Variants in SUGCT observed in about 807,000 individuals in gnomAD.
The protein encoded by SUGCT is succinyl-CoA:glutarate-CoA transferase.
Under a neutral mutation model 55.0 loss-of-function variants are expected in SUGCT, and 41 were observed. The ratio of observed to expected loss-of-function variants is 0.74; its 90% confidence interval spans 0.58 to 0.97. The LOEUF is 0.97. Among genes scored for constraint, SUGCT ranks in the 50% least tolerant of loss-of-function variants. The pLI is 0.00. For missense variants in SUGCT, 568 were observed against 547.8 expected (o/e 1.04, Z -0.37); for synonymous variants, 187 against 200.4 (o/e 0.93, Z 0.56).
At chr7:40,955,424 G>A in the SUGCT span, among the ~76,000 whole-genome samples, 11 of 152,080 alleles carry the variant, frequency 7.2e-5, no homozygotes, top group African/African-American at 2.7e-4. Context: ...TCATGATTTG[G>A]CTCTCTGTTT....
intron 8 of SUGCT, among the ~76,000 whole-genome samples, chr7:40,307,149 T>G (rs550505173): frequency 6.6e-6 from 1 of 152,368 alleles, no homozygotes; most frequent in Admixed American, 6.5e-5. Context: ...GTAGAGATTT[T>G]AAAACTATTT....
chr7:40,158,633 C>T (rs1211208603), intron 1 of SUGCT, among the ~76,000 whole-genome samples: 2 of 151,954 alleles, frequency 1.3e-5, no homozygotes, highest in Non-Finnish European at 2.9e-5. Flanking sequence ...GCCTGTAGGC[C>T]GAACTACTCG....
At chr7:40,810,128 CT>C (rs563083563) in intron 13 of SUGCT, among the ~76,000 whole-genome samples, 18 of 146,344 alleles carry the variant, frequency 1.2e-4, no homozygotes, top group East Asian at 2.0e-4. Flanking sequence ...GATTTCTTTT[CT>C]TTTTTTTTTT....
At chr7:40,518,312 T>A (rs1311602480) in intron 12 of SUGCT, among the ~76,000 whole-genome samples, 1 of 152,144 alleles carries the variant, frequency 6.6e-6, no homozygotes, top group African/African-American at 2.4e-5. Flanking sequence ...ATCCAAACAA[T>A]GTCTTCCAAT....
At chr7:40,974,999 C>T in the SUGCT span, among the ~76,000 whole-genome samples, 1 of 152,138 alleles carries the variant, frequency 6.6e-6, no homozygotes, top group African/African-American at 2.4e-5. Context: ...AATATTCATG[C>T]ACCTGGCGCA....
chr7:40,335,097 G>C (rs1011459460), intron 9 of SUGCT, among the ~76,000 whole-genome samples: 1 of 152,150 alleles, frequency 6.6e-6, no homozygotes, highest in African/African-American at 2.4e-5. Context: ...GCTCTGTTCT[G>C]TTCCATTGGT....
intron 9 of SUGCT, among the ~76,000 whole-genome samples, chr7:40,399,653 CCAAA>C (rs1454818254): frequency 2.0e-5 from 3 of 152,160 alleles, no homozygotes; most frequent in African/African-American, 7.2e-5. Flanking sequence ...GTGTCCGTCT[CCAAA>C]CAAAGGACTG....
At chr7:40,319,112 T>C (rs1185287650) in intron 9 of SUGCT, among the ~76,000 whole-genome samples, 1 of 152,228 alleles carries the variant, frequency 6.6e-6, no homozygotes, top group Non-Finnish European at 1.5e-5. Flanking sequence ...AGAAATGTAC[T>C]TTTCCTGTTG....
intron 11 of SUGCT, among the ~76,000 whole-genome samples, chr7:40,487,740 A>G (rs1791460962): frequency 6.6e-6 from 1 of 151,818 alleles, no homozygotes; most frequent in African/African-American, 2.4e-5. Context: ...TGCTGAAGTG[A>G]CTCCATTATT....
chr7:40,951,103 G>T, the SUGCT span, among the ~76,000 whole-genome samples: 2 of 151,888 alleles, frequency 1.3e-5, no homozygotes, highest in Non-Finnish European at 2.9e-5. Flanking sequence ...CTTTTTTTGG[G>T]TGGTAGGCTA....
Position 40,218,464 on chromosome 7 carries a change from G to A in SUGCT, c.485-19171G>A, listed in dbSNP as rs115162216. Among the ~76,000 whole-genome samples, 453 of 152,296 alleles carry A rather than the reference G, an allele frequency of 3.0e-3. 2 individuals are homozygous for A. The highest frequency in any genetic ancestry group is 0.01 in the African/African-American group (430 of 41,560). ...TTGTCTCTTTGGGACGTTGTTGAGC[G>A]GTGAAGCCAGCTGGGCTTCTGGGTC... is the stretch of plus-strand genomic sequence containing the variant. On this transcript the variant is annotated intron_variant, in intron 6 of 13. Transcript: ENST00000335693.
At chr7:40,865,156 C>T (rs530519138), downstream of SUGCT, among the ~76,000 whole-genome samples, 164 of 152,066 alleles carry the variant, frequency 1.1e-3, no homozygotes, top group African/African-American at 3.8e-3. Flanking sequence ...CCCCCCTCCT[C>T]CTCTCTTTTC....
At chr7:41,029,996 G>A in the SUGCT span, among the ~76,000 whole-genome samples, 1 of 152,190 alleles carries the variant, frequency 6.6e-6, no homozygotes, top group African/African-American at 2.4e-5. Flanking sequence ...ATGTTATAGA[G>A]TTGGACTCAT....
In SUGCT at chr7:40,364,179, A is replaced by C. The variant is rs868727480; in HGVS notation, c.816+47324A>C. Among the ~76,000 whole-genome samples the C allele has an allele frequency of 2.3e-3, 354 of 151,996 alleles. 5 individuals carry two copies. The highest frequency in any genetic ancestry group is 7.9e-3 in the African/African-American group (326 of 41,430). On this transcript the variant is annotated intron_variant, in intron 9 of 13. Transcript: ENST00000335693. ...TTCCATTTGCTTGGTAGATCTTCCT[A>C]CATCCTTTTATTTTGAGCCTATGTG...
intron 8 of SUGCT, among the ~76,000 whole-genome samples, chr7:40,315,419 A>T (rs1331687774): frequency 6.6e-6 from 1 of 152,256 alleles, no homozygotes; most frequent in African/African-American, 2.4e-5. Context: ...CCAAGACCAG[A>T]TGGAAGTCTA....
chr7:40,978,328 C>A, the SUGCT span, among the ~76,000 whole-genome samples: 1 of 152,224 alleles, frequency 6.6e-6, no homozygotes, highest in South Asian at 2.1e-4. Flanking sequence ...CTCCAGGCTT[C>A]TTTGACTGCT....
At chr7:40,838,155 C>G (rs1377218385) in intron 13 of SUGCT, among the ~76,000 whole-genome samples, 3 of 152,116 alleles carry the variant, frequency 2.0e-5, no homozygotes, top group Non-Finnish European at 4.4e-5. Flanking sequence ...ATGATTGTAA[C>G]TGTATAATAA....
the SUGCT span, among the ~76,000 whole-genome samples, chr7:40,952,059 AG>A: frequency 6.6e-6 from 1 of 152,146 alleles, no homozygotes; most frequent in South Asian, 2.1e-4. Flanking sequence ...GGGGTGTTAA[AG>A]TCTCCCATTA....
intron 12 of SUGCT, among the ~76,000 whole-genome samples, chr7:40,586,054 A>T (rs952699510): frequency 5.9e-5 from 9 of 151,964 alleles, no homozygotes; most frequent in African/African-American, 1.9e-4. Flanking sequence ...CTTCTTTTAA[A>T]TTTTTTTAAT....
Sources: gnomAD v4.1 joint callset for allele counts (sites outside exome capture counted in the v4.1 genomes callset) on GRCh38, gnomAD v4.1.1 for gene constraint, MANE v1.5 for transcripts, NCBI Gene and HGNC (gene_info 2026-07-23, HGNC 2026-07-21) for gene names.